Variants in LHPP observed in about 807,000 individuals in gnomAD.
The protein encoded by LHPP is hLHPP.
LHPP carries 24 observed loss-of-function variants against 30.3 expected under a neutral mutation model. That is an observed-to-expected ratio of 0.79 (90% CI 0.57 to 1.11). LHPP has a LOEUF of 1.11. Among genes scored for constraint, LHPP ranks in the 50% most tolerant of loss-of-function variants. The pLI is 0.00. For missense variants in LHPP, 356 were observed against 367.2 expected, an observed-to-expected ratio of 0.97 and a Z score of 0.25; for synonymous variants, 150 against 157.1, an observed-to-expected ratio of 0.95 and a Z score of 0.34.
chr10:124,477,546 C>T (rs1952988859), intron 1 of LHPP, among the ~76,000 whole-genome samples: 1 of 152,172 alleles, frequency 6.6e-6, no homozygotes, highest in South Asian at 2.1e-4. Context: ...CACCCCTTTC[C>T]TCTGGCTGTG....
intron 6 of LHPP, among the ~76,000 whole-genome samples, chr10:124,542,268 G>C (rs1955214291): frequency 6.6e-6 from 1 of 152,196 alleles, no homozygotes; most frequent in East Asian, 1.9e-4. Flanking sequence ...GTGGGACTCA[G>C]CCACCAAGCG....
chr10:124,603,700 G>A (rs2134014217), intron 6 of LHPP, among the ~76,000 whole-genome samples: 1 of 152,330 alleles, frequency 6.6e-6, no homozygotes, highest in South Asian at 2.1e-4. Flanking sequence ...ATGTGGCCCT[G>A]GACCCTCCGG....
chr10:124,515,961 A>G (rs1245233065), intron 5 of LHPP, among the ~76,000 whole-genome samples: 1 of 152,202 alleles, frequency 6.6e-6, no homozygotes, highest in Non-Finnish European at 1.5e-5. Flanking sequence ...TTCTCCATGC[A>G]GCCTTCTCCT....
chr10:124,590,222 T>C lies in LHPP; in HGVS notation c.717-23042T>C. Among the ~76,000 whole-genome samples, 1 of 151,968 alleles carries C rather than the reference T, an allele frequency of 6.6e-6. No homozygotes were observed. ...GGGAGAACATGGTGTGTGAGCATTATTGGGGGTGGGGTGCGGAGCAGGCAC... is the reference window on the plus strand; with the variant it reads ...GGGAGAACATGGTGTGTGAGCATTACTGGGGGTGGGGTGCGGAGCAGGCAC... On this transcript the variant is annotated intron_variant, in intron 6 of 6. Coordinates refer to ENST00000368842, the MANE Select transcript of LHPP (RefSeq NM_022126.4). The surrounding 1 kb of genome is among the most constrained non-coding windows in gnomAD (Gnocchi z 4.3).
intron 1 of LHPP, among the ~76,000 whole-genome samples, chr10:124,483,178 C>T (rs536676281): frequency 2.0e-5 from 3 of 152,172 alleles, no homozygotes; most frequent in Admixed American, 1.3e-4. Context: ...TGGGCAGGGT[C>T]CACGTCCTGT....
At chr10:124,484,969 T>G (rs975969606) in intron 2 of LHPP, among the ~76,000 whole-genome samples, 1 of 152,130 alleles carries the variant, frequency 6.6e-6, no homozygotes, top group Non-Finnish European at 1.5e-5. Context: ...GAAGAGACAT[T>G]AGCAATTCCA....
At chr10:124,564,046 A>G (rs1164466615) in intron 6 of LHPP, among the ~76,000 whole-genome samples, 5 of 152,012 alleles carry the variant, frequency 3.3e-5, no homozygotes, top group African/African-American at 9.7e-5. Context: ...TCCTGGGCTC[A>G]AGCGATCCTC....
intron 6 of LHPP, among the ~76,000 whole-genome samples, chr10:124,594,329 C>CA (rs71026102): frequency 0.29 from 22,023 of 75,186 alleles, 3,942 homozygotes; most frequent in East Asian, 0.38. Flanking sequence ...GACTCCATCT[C>CA]AAAAAAAAAA....
intron 6 of LHPP, among the ~76,000 whole-genome samples, chr10:124,612,043 G>A (rs1949208901): frequency 6.6e-6 from 1 of 152,210 alleles, no homozygotes; most frequent in Admixed American, 6.5e-5. Context: ...GGGGCCTTCT[G>A]GCTCACAGCC....
intron 1 of LHPP, among the ~76,000 whole-genome samples, chr10:124,472,708 C>T (rs1281526902): frequency 1.3e-5 from 2 of 152,052 alleles, no homozygotes; most frequent in African/African-American, 4.8e-5. Flanking sequence ...CAGGCGCCTG[C>T]CACCACGTCT....
rs766474053 is a variant in LHPP at position 124,497,057 on chromosome 10, C to G, written c.531+33C>G. On this transcript the variant is annotated intron_variant, in intron 4 of 6. Transcript: ENST00000368842. ...CCCTGGTTCTGTCCCAAACTCTCTT[C>G]AGACCTCAGGGCACCTGGGACTTTT... 16 of 1,575,468 alleles carry G rather than the reference C, an allele frequency of 1.0e-5. No individual in the cohort carries two copies. In the Admixed American group the frequency reaches 1.4e-4, roughly 14 times the overall value.
chr10:124,581,020 G>A (rs567771399), intron 6 of LHPP, among the ~76,000 whole-genome samples: 9 of 152,200 alleles, frequency 5.9e-5, no homozygotes, highest in South Asian at 4.1e-4. Flanking sequence ...CACCATGCCC[G>A]GCTATTTTCA....
intron 5 of LHPP, among the ~76,000 whole-genome samples, chr10:124,506,291 C>T (rs78956030): frequency 0.087 from 11,632 of 133,608 alleles, 603 homozygotes; most frequent in East Asian, 0.19. Flanking sequence ...GGTTTCTCAA[C>T]CTCGACACTT....
intron 6 of LHPP, among the ~76,000 whole-genome samples, chr10:124,575,049 C>T (rs923216006): frequency 5.3e-5 from 8 of 152,156 alleles, no homozygotes; most frequent in African/African-American, 1.9e-4. Context: ...TTGGCAGCCT[C>T]GAAACAGAGC....
rs1713524280 is a variant in LHPP, at chr10:124,590,500, A to G, written c.717-22764A>G. 6.6e-6 allele frequency among the ~76,000 whole-genome samples: 1 copy of G among 151,988 alleles called. No individual in the cohort carries two copies. The highest frequency in any genetic ancestry group is 2.1e-4 in the South Asian group (1 of 4,822). On this transcript the variant is annotated intron_variant, in intron 6 of 6. Transcript: ENST00000368842. This position sits in a 1 kb window ranked among gnomAD's most constrained non-coding sequence, Gnocchi z 4.3. Reference sequence around the variant, plus strand: ...GAGAAAGCCGCTGTGTGACCCCATTAGGGGACTTGGCTCTCCTGCCAAGCC... The same window carrying G: ...GAGAAAGCCGCTGTGTGACCCCATTGGGGGACTTGGCTCTCCTGCCAAGCC...
At position 124,590,865 on chromosome 10, in the gene LHPP, G is replaced by A. The variant is rs930901426; in HGVS notation, c.717-22399G>A. On this transcript the variant is annotated intron_variant, in intron 6 of 6. Coordinates refer to ENST00000368842, the MANE Select transcript of LHPP (RefSeq NM_022126.4). This position sits in a 1 kb window ranked among gnomAD's most constrained non-coding sequence, Gnocchi z 4.3. The stretch of plus-strand genomic sequence containing the variant: ...CTTCGTATCCATCTGGCTGTGCCCT[G>A]TAACTCAAGGGATGGGACTGTGTCA... Among the ~76,000 whole-genome samples, 1 of 152,244 alleles carries A rather than the reference G, an allele frequency of 6.6e-6. No individual in the cohort carries two copies. The highest frequency in any genetic ancestry group is 2.4e-5 in the African/African-American group (1 of 41,464).
At chr10:124,526,578 G>C (rs1020237411) in intron 6 of LHPP, among the ~76,000 whole-genome samples, 8 of 152,204 alleles carry the variant, frequency 5.3e-5, no homozygotes, top group South Asian at 4.1e-4. Flanking sequence ...TAGCCAGTGT[G>C]GGGGCTCACA....
chr10:124,472,520 TAC>T (rs1451078884), intron 1 of LHPP, among the ~76,000 whole-genome samples: 1 of 152,126 alleles, frequency 6.6e-6, no homozygotes, highest in Non-Finnish European at 1.5e-5. Context: ...GTGCTGTATA[TAC>T]CAAGTGAAAA....
chr10:124,469,650 T>A (rs1262250533), intron 1 of LHPP, among the ~76,000 whole-genome samples: 1 of 152,160 alleles, frequency 6.6e-6, no homozygotes, highest in Admixed American at 6.6e-5. Context: ...TTTTTATTTT[T>A]TTTTCATTCA....
Sources: gnomAD v4.1 joint callset for allele counts (sites outside exome capture counted in the v4.1 genomes callset) on GRCh38, gnomAD v4.1.1 for gene constraint, Gnocchi (gnomAD v3.1) non-coding constraint, MANE v1.5 for transcripts, NCBI Gene and HGNC (gene_info 2026-07-23, HGNC 2026-07-21) for gene names.